Variants in SH3PXD2A observed in about 807,000 individuals in gnomAD.
SH3PXD2A encodes SH3 and PX domain-containing protein 2A.
SH3PXD2A carries 32 observed loss-of-function variants against 115.2 expected under a neutral mutation model. That is an observed-to-expected ratio of 0.28 (90% CI 0.21 to 0.37). The LOEUF (loss-of-function observed/expected upper bound fraction) is 0.37. Among genes scored for constraint, SH3PXD2A ranks in the 10% least tolerant of loss-of-function variants. The probability of loss-of-function intolerance (pLI) is 1.00; values close to 1 mark genes in which losing one functional copy is unlikely to be tolerated. For synonymous variants in SH3PXD2A, 610 were observed against 629.1 expected (o/e 0.97, Z 0.45); for missense variants, 1,328 against 1,498.7 (o/e 0.89, Z 1.88).
At chr10:103,671,409 C>T (rs1429447352) in intron 6 of SH3PXD2A, among the ~76,000 whole-genome samples, 2 of 152,194 alleles carry the variant, frequency 1.3e-5, no homozygotes, top group Admixed American at 1.3e-4. Flanking sequence ...CCCCTTCAGT[C>T]CCCATAAGCA....
intron 4 of SH3PXD2A, among the ~76,000 whole-genome samples, chr10:103,728,013 G>A (rs1358445686): frequency 6.6e-6 from 1 of 152,258 alleles, no homozygotes; most frequent in Non-Finnish European, 1.5e-5. Context: ...AGAGTAGGGG[G>A]CCAGATAATG....
At chr10:103,754,450 C>T (rs1214925518) in intron 3 of SH3PXD2A, 2 of 152,152 alleles carry the variant, frequency 1.3e-5, no homozygotes, top group Admixed American at 6.5e-5. Context: ...GACGTAACTC[C>T]AGACATAGGC....
intron 8 of SH3PXD2A, among the ~76,000 whole-genome samples, chr10:103,636,012 G>T (rs947207995): frequency 1.3e-5 from 2 of 152,212 alleles, no homozygotes; most frequent in African/African-American, 2.4e-5. Context: ...CCTCTATCCA[G>T]GCTAAGCATC....
At chr10:103,626,768 A>G (rs1291638963) in intron 9 of SH3PXD2A, among the ~76,000 whole-genome samples, 3 of 152,008 alleles carry the variant, frequency 2.0e-5, no homozygotes, top group Non-Finnish European at 4.4e-5. Context: ...CTCTAGAAAA[A>G]AATACAAAAA....
chr10:103,836,460 A>G (rs945942585), intron 1 of SH3PXD2A, among the ~76,000 whole-genome samples: 1 of 150,526 alleles, frequency 6.6e-6, no homozygotes, highest in African/African-American at 2.4e-5. Context: ...CACATCCCCT[A>G]ACACACACAC....
chr10:103,729,846 G>C (rs552607901), intron 4 of SH3PXD2A, among the ~76,000 whole-genome samples: 12 of 152,296 alleles, frequency 7.9e-5, no homozygotes, highest in African/African-American at 2.9e-4. Flanking sequence ...CTGTCCTGCA[G>C]TCTCCAGCTC....
intron 13 of SH3PXD2A, among the ~76,000 whole-genome samples, chr10:103,610,273 A>G (rs1331445879): frequency 2.6e-5 from 4 of 152,234 alleles, no homozygotes; most frequent in Non-Finnish European, 5.9e-5. Context: ...CCCAGGCCAC[A>G]TCTCTGGCCA....
chr10:103,780,974 G>A (rs765533526), intron 2 of SH3PXD2A, among the ~76,000 whole-genome samples: 2 of 152,058 alleles, frequency 1.3e-5, no homozygotes, highest in Non-Finnish European at 2.9e-5. Context: ...TTGCTTGTCC[G>A]TCCCTGCACA....
chr10:103,649,318 A>C (rs556187431), intron 8 of SH3PXD2A, among the ~76,000 whole-genome samples: 1 of 152,280 alleles, frequency 6.6e-6, no homozygotes, highest in South Asian at 2.1e-4. Flanking sequence ...GTGCTCAGAG[A>C]GGTGAAGTGG....
At chr10:103,728,889 G>GTTTTTTTTTTTTTTTTTTTTT (rs199842369) in intron 4 of SH3PXD2A, among the ~76,000 whole-genome samples, 1 of 142,856 alleles carries the variant, frequency 7.0e-6, no homozygotes, top group African/African-American at 2.7e-5. Flanking sequence ...TTTTTTGTTT[G>GTTTTTTTTTTTTTTTTTTTTT]TTTGTTTGTT....
In SH3PXD2A at chr10:103,839,061, C is replaced by A. The variant is rs190192832; in HGVS notation, c.72+16134G>T. ...ACATCAGCACAGATAAATGGTCAAC[C>A]CCGCGTGGGATCTGCTCACCAGCTC... On this transcript the variant is annotated intron_variant, in intron 1 of 14. Coordinates refer to ENST00000369774, the MANE Select transcript of SH3PXD2A (RefSeq NM_001394015.1). 4.6e-5 allele frequency among the ~76,000 whole-genome samples: 7 copies of A among 152,274 alleles called. No individual in the cohort carries two copies. The East Asian group carries it at 1.4e-3, about 29-fold the overall frequency.
At chr10:103,607,626 C>T (rs541715677) in intron 13 of SH3PXD2A, among the ~76,000 whole-genome samples, 5 of 152,284 alleles carry the variant, frequency 3.3e-5, no homozygotes, top group East Asian at 1.9e-4. Context: ...CCCCTCTGCC[C>T]GGCCACCACC....
chr10:103,633,307 T>G (rs1038699542), intron 8 of SH3PXD2A, among the ~76,000 whole-genome samples: 1 of 151,730 alleles, frequency 6.6e-6, no homozygotes, highest in African/African-American at 2.4e-5. Context: ...TCCCAGCTAC[T>G]GGGGAGGCTG....
At chr10:103,786,716 G>A (rs2134246772) in intron 2 of SH3PXD2A, among the ~76,000 whole-genome samples, 1 of 152,202 alleles carries the variant, frequency 6.6e-6, no homozygotes, top group East Asian at 1.9e-4. Context: ...GAGTGGTGGT[G>A]CCTACATCCC....
intron 5 of SH3PXD2A, among the ~76,000 whole-genome samples, chr10:103,696,166 A>C (rs74154594): frequency 0.013 from 2,011 of 152,282 alleles, 49 homozygotes; most frequent in African/African-American, 0.044. Flanking sequence ...GCTGTGACTG[A>C]ATGGTGGGAA....
chr10:103,651,606 CT>C (rs2037124392), intron 8 of SH3PXD2A, among the ~76,000 whole-genome samples: 3 of 152,244 alleles, frequency 2.0e-5, no homozygotes, highest in Admixed American at 2.0e-4. Flanking sequence ...GGGCAAGTCA[CT>C]TCACCTCTCT....
At chr10:103,822,150 C>T (rs192714252) in intron 1 of SH3PXD2A, among the ~76,000 whole-genome samples, 18 of 152,224 alleles carry the variant, frequency 1.2e-4, no homozygotes, top group African/African-American at 4.1e-4. Flanking sequence ...CTCGGCCTCC[C>T]GAAGTGCCGA....
chr10:103,813,246 C>T (rs2134279936), intron 1 of SH3PXD2A, among the ~76,000 whole-genome samples: 1 of 152,218 alleles, frequency 6.6e-6, no homozygotes, highest in East Asian at 1.9e-4. Flanking sequence ...AATTGATAAT[C>T]ATGGTTATTT....
chr10:103,660,883 G>C, intron 8 of SH3PXD2A, 100 bp downstream of exon 8: 1 of 1,306,732 alleles, frequency 7.7e-7, no homozygotes, highest in Non-Finnish European at 1.1e-6. Context: ...TGGAAATAAC[G>C]TATAGCTGCA....
Sources: allele counts gnomAD v4.1 joint callset (sites outside exome capture counted in the v4.1 genomes callset), GRCh38; gene constraint gnomAD v4.1.1; transcripts MANE v1.5; gene names NCBI Gene and HGNC (gene_info 2026-07-23, HGNC 2026-07-21).